HNRNPU: variants seen among roughly 807,000 people sequenced by gnomAD.
The protein encoded by HNRNPU is heterogeneous nuclear ribonucleoprotein U, also known as HNRNPU antisense RNA 1.
A neutral mutation model predicts 94.7 loss-of-function variants in HNRNPU; 5 were observed. The observed-to-expected ratio is 0.05, with a 90% CI of 0.03 to 0.11. The LOEUF (loss-of-function observed/expected upper bound fraction) is 0.11. Ranked by LOEUF, HNRNPU falls within the 10% of genes least tolerant of loss-of-function variation. HNRNPU has a pLI of 1.00. For missense variants in HNRNPU, 710 were observed against 1,049.2 expected (o/e 0.68, Z 4.47); for synonymous variants, 434 against 381.6 (o/e 1.14, Z -1.60).
In HNRNPU at chr1:244,862,714, T is replaced by C; in HGVS notation, c.708A>G (p.Glu236=). 1.2e-6 allele frequency: 2 copies of C among 1,614,050 alleles called. No homozygotes were observed. The highest frequency in any genetic ancestry group is 1.7e-6 in the Non-Finnish European group (2 of 1,179,894). ...GAPAAGDGKT[E]QKGGDKKRGV... The stretch of plus-strand genomic sequence containing the variant: ...CCCTCTTTTTATCTCCGCCTTTCTG[T>C]TCTGTTTTGCCGTCCCCTAAAACAC... The change falls in exon 2 of 14, where the codon GAA becomes GAG. Residue 236 remains glutamate, a synonymous_variant. Transcript: ENST00000640218.
chr1:244,860,501 C>G (rs1680797587), intron 3 of HNRNPU, 27 bp from the exon 4 acceptor site: 1 of 1,562,766 alleles, frequency 6.4e-7, no homozygotes, highest in African/African-American at 1.4e-5. Context: ...TACTGTGTTA[C>G]TTTTGACATC....
chr1:244,862,333 A>C, intron 3 of HNRNPU, 128 bp downstream of exon 3: 1 of 644,008 alleles, frequency 1.6e-6, no homozygotes, highest in Non-Finnish European at 2.7e-6. Context: ...AATGTAAACC[A>C]TTATCTTCCT....
At position 244,855,926 on chromosome 1, in the gene HNRNPU, A is replaced by T. The variant is rs1327749290; in HGVS notation, c.2145T>A (p.Arg715=). 6.2e-7 allele frequency: 1 copy of T among 1,613,590 alleles called. No homozygotes were observed. The highest frequency in any genetic ancestry group is 8.5e-7 in the Non-Finnish European group (1 of 1,179,850). The change falls in exon 11 of 14, where the codon CGT becomes CGA. Residue 715 remains arginine, a synonymous_variant. Transcript: ENST00000640218. ...TGCCTCCTCCTCTGAAATTTCCACC[A>T]CGCATATTGAATCCTCCACGTCCTC... is the stretch of plus-strand genomic sequence containing the variant. ...GHRGRGGFNM[R]GGNFRGGAPG...
intron 10 of HNRNPU, 97 bp from the exon 11 acceptor site, chr1:244,856,255 C>G: frequency 2.2e-6 from 3 of 1,343,668 alleles, no homozygotes; most frequent in Non-Finnish European, 3.0e-6. Context: ...ACATATTTTC[C>G]TAAAAATAAA....
chr1:244,861,526 C>T (rs1680828146), intron 3 of HNRNPU: 1 of 152,106 alleles, frequency 6.6e-6, no homozygotes, highest in African/African-American at 2.4e-5. Context: ...AAGGATATTC[C>T]AGTAAGAAAG....
intron 3 of HNRNPU, 115 bp from the exon 4 acceptor site, chr1:244,860,589 T>C (rs1346629872): frequency 4.1e-6 from 3 of 731,384 alleles, no homozygotes; most frequent in African/African-American, 3.6e-5. Context: ...TGCACAACTT[T>C]TCTCCACATC....
intron 4 of HNRNPU, chr1:244,860,009 G>GAA: frequency 4.6e-6 from 1 of 216,482 alleles, no homozygotes. Context: ...TTTTAAAAAG[G>GAA]AAAAAAAAAG....
intron 12 of HNRNPU, 88 bp downstream of exon 12, chr1:244,855,329 CTTACGGA>C: frequency 8.4e-7 from 1 of 1,196,584 alleles, no homozygotes; most frequent in African/African-American, 1.5e-5. Flanking sequence ...TATCATGTTC[CTTACGGA>C]TTACTAAGAC....
chr1:244,855,763 T>C (rs1680662711), intron 11 of HNRNPU, 141 bp downstream of exon 11: 3 of 1,256,934 alleles, frequency 2.4e-6, no homozygotes, highest in Non-Finnish European at 3.3e-6. Context: ...CCTAGGTGTA[T>C]TTAATATCAA....
intron 8 of HNRNPU, chr1:244,857,352 T>C: frequency 2.7e-6 from 1 of 368,250 alleles, no homozygotes; most frequent in Non-Finnish European, 4.9e-6. Context: ...TTCAAGTAAT[T>C]GTCCCTGCCT....
intron 7 of HNRNPU, 146 bp from the exon 8 acceptor site, chr1:244,857,863 T>C (rs1001890098): frequency 9.1e-5 from 119 of 1,307,150 alleles, no homozygotes; most frequent in Non-Finnish European, 2.4e-5. Flanking sequence ...AGATTAACAG[T>C]CAACATAAGG....
intron 4 of HNRNPU, chr1:244,860,008 GGAAAA>G (rs2102987836): frequency 4.6e-6 from 1 of 215,312 alleles, no homozygotes; most frequent in Non-Finnish European, 9.0e-6. Context: ...ATTTTAAAAA[GGAAAA>G]AAAAAGGCTG....
intron 3 of HNRNPU, 72 bp from the exon 4 acceptor site, chr1:244,860,546 G>C: frequency 8.0e-7 from 1 of 1,254,030 alleles, no homozygotes; most frequent in Non-Finnish European, 1.1e-6. Context: ...GACAAAACTT[G>C]GTTACTTAAT....
chr1:244,863,540 G>A (rs1255643175), intron 1 of HNRNPU, 77 bp downstream of exon 1: 5 of 1,271,568 alleles, frequency 3.9e-6, no homozygotes, highest in Non-Finnish European at 3.0e-6. Context: ...CCCCCTGCGG[G>A]GCTCCGGCAG....
At chr1:244,863,030 C>T in intron 1 of HNRNPU, 3 of 341,676 alleles carry the variant, frequency 8.8e-6, no homozygotes, top group South Asian at 8.2e-5. Context: ...GGGGGAGGGG[C>T]CGAGCCCGGC....
In HNRNPU at chr1:244,855,614, A is replaced by T. The variant is rs1283465496; in HGVS notation, c.2168-6T>A. 1 of 1,613,710 alleles carries T rather than the reference A, an allele frequency of 6.2e-7. No homozygotes were observed. Among genetic ancestry groups the T allele is most frequent in the Non-Finnish European group, 8.5e-7 (1 of 1,179,860 alleles). On this transcript the variant is annotated splice_region_variant and splice_polypyrimidine_tract_variant and intron_variant, in intron 11 of 13. Transcript: ENST00000640218. The stretch of plus-strand genomic sequence containing the variant: ...TCCGCCACGATTCCCAGGGGCTAAA[A>T]GACAAGAGCTGTTTTAGTTTCATTG...
chr1:244,857,954 TTTG>T, intron 7 of HNRNPU, 54 bp downstream of exon 7: 2 of 1,513,092 alleles, frequency 1.3e-6, no homozygotes, highest in Non-Finnish European at 1.8e-6. Context: ...TAAATGTCAT[TTTG>T]TGCCAGGCAA....
At chr1:244,857,918 G>C in intron 7 of HNRNPU, 93 bp downstream of exon 7, 1 of 1,368,054 alleles carries the variant, frequency 7.3e-7, no homozygotes, top group Non-Finnish European at 1.0e-6. Flanking sequence ...CAAAGTAAAT[G>C]AAACAGACTA....
intron 3 of HNRNPU, 162 bp from the exon 4 acceptor site, chr1:244,860,636 C>G: frequency 1.6e-6 from 1 of 609,858 alleles, no homozygotes; most frequent in South Asian, 2.1e-5. Flanking sequence ...AAGCCCCACT[C>G]CCACCAAGTC....
Sources: allele counts gnomAD v4.1 joint callset, GRCh38; gene constraint gnomAD v4.1.1; transcripts MANE v1.5; gene names NCBI Gene and HGNC (gene_info 2026-07-23, HGNC 2026-07-21).